SNX29: variants seen among roughly 807,000 people sequenced by gnomAD.
SNX29 encodes sorting nexin 29, also known as sorting nexin-29.
Under a neutral mutation model 102.1 loss-of-function variants are expected in SNX29, and 78 were observed. That is an observed-to-expected ratio of 0.76 (90% confidence interval 0.64 to 0.92). The LOEUF (loss-of-function observed/expected upper bound fraction) is 0.92. SNX29 is among the 40% of genes least tolerant of loss of function. The pLI, the probability that SNX29 is intolerant of heterozygous loss-of-function variation, is 0.00. For synonymous variants in SNX29, 580 were observed against 414.5 expected (o/e 1.40, Z -4.85); for missense variants, 1,280 against 1,061.7 (o/e 1.21, Z -2.86).
chr16:12,438,993 A>G (rs906180409), intron 18 of SNX29, among the ~76,000 whole-genome samples: 2 of 152,224 alleles, frequency 1.3e-5, no homozygotes, highest in Non-Finnish European at 2.9e-5. Flanking sequence ...TCCACCTGCC[A>G]TGTAGACCAT....
At chr16:12,425,544 AT>A (rs368902135) in intron 18 of SNX29, among the ~76,000 whole-genome samples, 67,953 of 129,858 alleles carry the variant, frequency 0.52, 19,050 homozygotes, top group East Asian at 0.64. Context: ...AAAAAAAAAA[AT>A]AAAAAAAATA....
At chr16:12,356,075 G>C in intron 15 of SNX29, 88 bp from the exon 16 acceptor site, 1 of 1,216,656 alleles carries the variant, frequency 8.2e-7, no homozygotes, top group Non-Finnish European at 1.2e-6. Context: ...TTGCTGACAG[G>C]TGTCAGGAAG....
intron 3 of SNX29, among the ~76,000 whole-genome samples, chr16:12,013,500 A>ATATAT (rs1555518837): frequency 4.4e-4 from 14 of 31,604 alleles, no homozygotes; most frequent in South Asian, 1.4e-3. Context: ...AAAAAAAAAA[A>ATATAT]ATATATATAT....
At chr16:12,021,341 G>A (rs903526596) in intron 3 of SNX29, among the ~76,000 whole-genome samples, 3 of 151,984 alleles carry the variant, frequency 2.0e-5, no homozygotes, top group African/African-American at 7.3e-5. Context: ...CAGGACAATT[G>A]CTTGAACCCA....
chr16:12,572,899 C>A lies in SNX29; in HGVS notation c.*4270C>A, dbSNP rs528852539. 1.9e-6 allele frequency: 2 copies of A among 1,027,184 alleles called. No individual in the cohort carries two copies. The highest frequency in any genetic ancestry group is 1.7e-5 in the African/African-American group (1 of 60,296). The allele number at this position is 1,027,184 out of a possible 1,614,324, so 63.6% of individuals were successfully genotyped here. On this transcript the variant is annotated 3_prime_UTR_variant, in exon 21 of 21. Transcript: ENST00000566228. The stretch of plus-strand genomic sequence containing the variant: ...CTTGACTCTGCCTTGGCATTTCGCT[C>A]GGAATCACGGCAGACTTGGAGTGTT...
At chr16:12,247,670 G>C (rs532341745) in intron 14 of SNX29, among the ~76,000 whole-genome samples, 1 of 152,282 alleles carries the variant, frequency 6.6e-6, no homozygotes, top group East Asian at 1.9e-4. Flanking sequence ...ATTTCAATGT[G>C]GTTTAGTTTA....
intron 13 of SNX29, among the ~76,000 whole-genome samples, chr16:12,160,112 G>A (rs746926918): frequency 2.6e-5 from 4 of 152,200 alleles, no homozygotes; most frequent in Non-Finnish European, 5.9e-5. Context: ...GAATAGCACC[G>A]TGACTCTGAT....
chr16:12,028,099 T>C (rs1364337540), intron 4 of SNX29, among the ~76,000 whole-genome samples: 1 of 152,182 alleles, frequency 6.6e-6, no homozygotes, highest in Non-Finnish European at 1.5e-5. Context: ...GGTCTCCTCC[T>C]CCCCTGAGCT....
chr16:12,545,666 T>G (rs1028119069), intron 20 of SNX29: 3 of 152,246 alleles, frequency 2.0e-5, no homozygotes, highest in African/African-American at 7.2e-5. Context: ...CCTTCCCAGC[T>G]TCTAGGCTCC....
chr16:12,342,209 A>G (rs1161022152), intron 15 of SNX29, among the ~76,000 whole-genome samples: 1 of 152,200 alleles, frequency 6.6e-6, no homozygotes, highest in African/African-American at 2.4e-5. Flanking sequence ...TCACCCAGAG[A>G]AAAAGTTTTA....
At chr16:12,458,320 T>A (rs1279320960) in intron 18 of SNX29, among the ~76,000 whole-genome samples, 2 of 151,998 alleles carry the variant, frequency 1.3e-5, no homozygotes, top group African/African-American at 4.8e-5. Context: ...GGGGGACAGG[T>A]CTCCATAACA....
chr16:12,493,863 G>A (rs374285492), intron 19 of SNX29, among the ~76,000 whole-genome samples: 1 of 152,236 alleles, frequency 6.6e-6, no homozygotes, highest in Admixed American at 6.5e-5. Flanking sequence ...AAATGCTGGG[G>A]TTACAGGCGT....
chr16:12,220,730 G>A (rs908939411), intron 14 of SNX29, among the ~76,000 whole-genome samples: 6 of 151,786 alleles, frequency 4.0e-5, no homozygotes, highest in Non-Finnish European at 7.4e-5. Flanking sequence ...TTCATATTAC[G>A]AATTATTCAT....
At chr16:12,275,330 G>A (rs1422405213) in intron 14 of SNX29, among the ~76,000 whole-genome samples, 4 of 152,178 alleles carry the variant, frequency 2.6e-5, no homozygotes, top group Non-Finnish European at 5.9e-5. Context: ...AAACTCAGAA[G>A]TTCAGTGTGT....
At chr16:12,497,823 G>T (rs1422450354) in intron 19 of SNX29, among the ~76,000 whole-genome samples, 7 of 152,168 alleles carry the variant, frequency 4.6e-5, no homozygotes, top group African/African-American at 7.2e-5. Flanking sequence ...TTCAGTCTCA[G>T]CACTGATGCT....
chr16:12,391,730 G>T (rs767773014), intron 16 of SNX29, among the ~76,000 whole-genome samples: 1 of 152,088 alleles, frequency 6.6e-6, no homozygotes, highest in African/African-American at 2.4e-5. Context: ...AAATACTTCA[G>T]TAGGCACATA....
chr16:12,082,503 A>G (rs1490121798), intron 11 of SNX29, among the ~76,000 whole-genome samples: 1 of 151,826 alleles, frequency 6.6e-6, no homozygotes, highest in East Asian at 1.9e-4. Flanking sequence ...ATGCCCTTAA[A>G]CATGCTCGAG....
At chr16:12,369,008 C>A (rs1262432531) in intron 16 of SNX29, among the ~76,000 whole-genome samples, 1 of 152,194 alleles carries the variant, frequency 6.6e-6, no homozygotes, top group African/African-American at 2.4e-5. Context: ...AATAAGTAAG[C>A]TTCCTCTGAT....
chr16:12,407,955 T>C (rs1315459887), intron 18 of SNX29, among the ~76,000 whole-genome samples: 3 of 152,092 alleles, frequency 2.0e-5, no homozygotes, highest in African/African-American at 7.2e-5. Flanking sequence ...ATAGCCCCTG[T>C]ATTTCAGCCT....
Sources: gnomAD v4.1 joint callset for allele counts (sites outside exome capture counted in the v4.1 genomes callset) on GRCh38, gnomAD v4.1.1 for gene constraint, MANE v1.5 for transcripts, NCBI Gene and HGNC (gene_info 2026-07-23, HGNC 2026-07-21) for gene names.